The following MANBA variants were observed in gnomAD, a reference collection of about 807,000 sequenced individuals.
MANBA encodes beta-mannosidase.
MANBA carries 83 observed loss-of-function variants against 111.1 expected under a neutral mutation model. That is an observed-to-expected ratio of 0.75 (90% CI 0.63 to 0.90). The LOEUF is 0.90. Among genes scored for constraint, MANBA ranks in the 40% least tolerant of loss-of-function variants. The pLI is 0.00. For missense variants in MANBA, 1,036 were observed against 1,069.0 expected (o/e 0.97, Z 0.43); for synonymous variants, 370 against 378.7 (o/e 0.98, Z 0.27).
chr4:102,684,842 C>G (rs1732140353), intron 7 of MANBA, among the ~76,000 whole-genome samples: 1 of 152,120 alleles, frequency 6.6e-6, no homozygotes, highest in Non-Finnish European at 1.5e-5. Flanking sequence ...GGCAGGACAG[C>G]ACGAGATGCC....
In MANBA at chr4:102,690,560, T is replaced by G. The variant is rs766461249; in HGVS notation, c.849+36A>C. 1.9e-6 allele frequency: 3 copies of G among 1,586,832 alleles called. No individual in the cohort carries two copies. In the South Asian group the frequency reaches 3.3e-5, roughly 18 times the overall value. On this transcript the variant is annotated intron_variant, in intron 6 of 16. Transcript: ENST00000647097. Reference sequence around the variant, plus strand: ...CATTTCTTTAGCACAGGTATTGCTTTTCATCCAGTGCTTCTCAGGAAGTAC... The same window carrying G: ...CATTTCTTTAGCACAGGTATTGCTTGTCATCCAGTGCTTCTCAGGAAGTAC...
intron 10 of MANBA, chr4:102,667,695 T>C (rs1731289267): frequency 1.3e-5 from 2 of 152,204 alleles, no homozygotes; most frequent in African/African-American, 2.4e-5. Flanking sequence ...GGTTGCAGAC[T>C]CACCATTCAA....
chr4:102,745,164 C>A (rs1039972759), intron 1 of MANBA, among the ~76,000 whole-genome samples: 4 of 152,170 alleles, frequency 2.6e-5, no homozygotes, highest in African/African-American at 9.7e-5. Flanking sequence ...CAGCTCAGAG[C>A]CAGTGTCCAG....
intron 5 of MANBA, among the ~76,000 whole-genome samples, chr4:102,709,860 T>C (rs1340479423): frequency 2.6e-5 from 4 of 152,118 alleles, no homozygotes; most frequent in African/African-American, 7.2e-5. Flanking sequence ...CTTACATTTG[T>C]ACAAATCAAT....
chr4:102,760,044 A>G (rs950937897), intron 1 of MANBA, among the ~76,000 whole-genome samples: 74 of 152,290 alleles, frequency 4.9e-4, no homozygotes, highest in African/African-American at 1.6e-3. Context: ...CCAAACACGA[A>G]AACGTTCCCC....
chr4:102,700,578 CA>C (rs1732981987), intron 5 of MANBA, among the ~76,000 whole-genome samples: 1 of 152,004 alleles, frequency 6.6e-6, no homozygotes, highest in South Asian at 2.1e-4. Context: ...TCGTTGGTTT[CA>C]AAAAACATCT....
chr4:102,734,687 T>C, intron 1 of MANBA: 1 of 1,038,050 alleles, frequency 9.6e-7, no homozygotes, highest in Non-Finnish European at 1.4e-6. Flanking sequence ...ATCTATATCC[T>C]GTTCCCCCTC....
At chr4:102,749,909 G>A (rs998145117) in intron 1 of MANBA, among the ~76,000 whole-genome samples, 1 of 152,130 alleles carries the variant, frequency 6.6e-6, no homozygotes, top group Non-Finnish European at 1.5e-5. Context: ...TTTTCAGTTC[G>A]GGGCCACGCA....
Position 102,646,382 on chromosome 4 carries a change from T to A in MANBA, c.1869+4155A>T, listed in dbSNP as rs111980466. 2.2e-4 allele frequency among the ~76,000 whole-genome samples: 34 copies of A among 152,202 alleles called. 2 individuals carry two copies. Among genetic ancestry groups the A allele is most frequent in the African/African-American group, 8.2e-4 (34 of 41,554 alleles). The stretch of plus-strand genomic sequence containing the variant: ...AACCATTCCAGGGCAGCAGGTATCA[T>A]CAAAACCTGGGCCTACAGCATCACC... On this transcript the variant is annotated intron_variant, in intron 13 of 16. Coordinates refer to ENST00000647097, the MANE Select transcript of MANBA (RefSeq NM_005908.4).
intron 13 of MANBA, 70 bp from the exon 14 acceptor site, chr4:102,639,927 C>G: frequency 1.3e-6 from 2 of 1,558,634 alleles, no homozygotes; most frequent in South Asian, 1.1e-5. Context: ...GAGAAAAATA[C>G]AGGGTTTAGT....
chr4:102,713,517 TG>T (rs1372787433), intron 5 of MANBA, among the ~76,000 whole-genome samples: 6 of 152,354 alleles, frequency 3.9e-5, no homozygotes, highest in African/African-American at 1.4e-4. Context: ...ACTTATCCAC[TG>T]ACATCTGTGA....
chr4:102,708,947 C>T (rs201149227), intron 5 of MANBA, among the ~76,000 whole-genome samples: 46 of 151,900 alleles, frequency 3.0e-4, no homozygotes, highest in African/African-American at 1.0e-3. Flanking sequence ...CTATTATGAA[C>T]GACTATACGC....
In MANBA at chr4:102,689,961, C is replaced by T. The variant is rs150059363; in HGVS notation, c.850-277G>A. Among the ~76,000 whole-genome samples, 210 of 152,174 alleles carry T rather than the reference C, an allele frequency of 1.4e-3. 2 individuals carry two copies. The highest frequency in any genetic ancestry group is 7.1e-3 in the East Asian group (37 of 5,182). ...AAACAACTCTCCCTATCCCTAACAC[C>T]GAGCTTACATTTATTCCACATTCTT... On this transcript the variant is annotated intron_variant, in intron 6 of 16. Coordinates refer to ENST00000647097, the MANE Select transcript of MANBA (RefSeq NM_005908.4).
chr4:102,672,749 G>A (rs1380694578), intron 8 of MANBA, among the ~76,000 whole-genome samples: 1 of 152,138 alleles, frequency 6.6e-6, no homozygotes, highest in African/African-American at 2.4e-5. Flanking sequence ...ACACTATTGT[G>A]AACTGTGCAT....
chr4:102,729,269 A>G, intron 1 of MANBA: 1 of 752,560 alleles, frequency 1.3e-6, no homozygotes. Flanking sequence ...GTCTTTGTAC[A>G]CTGCAGGTCA....
chr4:102,636,332 T>C (rs1441889286), intron 14 of MANBA, among the ~76,000 whole-genome samples: 1 of 152,224 alleles, frequency 6.6e-6, no homozygotes, highest in African/African-American at 2.4e-5. Context: ...CTAGACTATA[T>C]GGTATAGCCT....
At chr4:102,702,944 A>G (rs992518232) in intron 5 of MANBA, among the ~76,000 whole-genome samples, 10 of 152,256 alleles carry the variant, frequency 6.6e-5, no homozygotes, top group Admixed American at 2.0e-4. Context: ...ATATCAAGTT[A>G]GCTGAAGTTA....
At chr4:102,685,688 C>T (rs1732178285) in intron 7 of MANBA, among the ~76,000 whole-genome samples, 1 of 152,108 alleles carries the variant, frequency 6.6e-6, no homozygotes, top group Non-Finnish European at 1.5e-5. Context: ...TTAATGGTAT[C>T]CTTTTCTATG....
At chr4:102,686,190 A>ATGTGTGTGTGTGTG (rs34832646) in intron 7 of MANBA, among the ~76,000 whole-genome samples, 1 of 150,396 alleles carries the variant, frequency 6.6e-6, no homozygotes, top group African/African-American at 2.4e-5. Context: ...GAACTAGGAA[A>ATGTGTGTGTGTGTG]TGTGTGTGTG....
Sources: allele counts gnomAD v4.1 joint callset (sites outside exome capture counted in the v4.1 genomes callset), GRCh38; gene constraint gnomAD v4.1.1; transcripts MANE v1.5; gene names NCBI Gene and HGNC (gene_info 2026-07-23, HGNC 2026-07-21).